The following STIM1 variants were observed in gnomAD, a reference collection of about 807,000 sequenced individuals.
The protein encoded by STIM1 is stromal interaction molecule 1.
A neutral mutation model predicts 74.7 loss-of-function variants in STIM1; 25 were observed. That is an observed-to-expected ratio of 0.33 (90% CI 0.24 to 0.47). The LOEUF (loss-of-function observed/expected upper bound fraction) is 0.47. Among genes scored for constraint, STIM1 ranks in the 20% least tolerant of loss-of-function variants. The pLI is 1.00. For synonymous variants in STIM1, 328 were observed against 348.8 expected (o/e 0.94, Z 0.66); for missense variants, 728 against 920.8 (o/e 0.79, Z 2.71).
rs1309044776 is a variant in STIM1, at chr11:3,908,535, C to T, written c.139+52126C>T. Reference sequence around the variant, plus strand: ...GCTGAGACAGGAGAATGGCATGAACCTGGGAGGTGGAGCTTGCAGTAAGCT... The same window carrying T: ...GCTGAGACAGGAGAATGGCATGAACTTGGGAGGTGGAGCTTGCAGTAAGCT... On this transcript the variant is annotated intron_variant, in intron 1 of 12. Coordinates refer to ENST00000526596, the MANE Select transcript of STIM1 (RefSeq NM_001382567.1). Among the ~76,000 whole-genome samples the T allele has an allele frequency of 6.0e-5, 9 of 149,810 alleles. No individual in the cohort carries two copies. In the Admixed American group the frequency reaches 6.0e-4, roughly 10 times the overall value.
At chr11:4,006,853 A>T (rs946645951) in intron 2 of STIM1, among the ~76,000 whole-genome samples, 12 of 152,170 alleles carry the variant, frequency 7.9e-5, no homozygotes, top group African/African-American at 2.7e-4. Context: ...GAAGGTAAGT[A>T]GTAGGGAACA....
At chr11:3,958,950 T>TA (rs372506065) in intron 1 of STIM1, among the ~76,000 whole-genome samples, 47,177 of 134,512 alleles carry the variant, frequency 0.35, 7,942 homozygotes, top group East Asian at 0.49. Context: ...AAACTCTGTC[T>TA]AAAAAAAAAA....
intron 2 of STIM1, among the ~76,000 whole-genome samples, chr11:3,998,956 G>A (rs528764471): frequency 2.4e-4 from 37 of 152,318 alleles, no homozygotes; most frequent in African/African-American, 8.7e-4. Context: ...TAGCCATAGA[G>A]TCTCTGTTAC....
chr11:4,082,414 A>C, intron 8 of STIM1, 63 bp downstream of exon 8: 1 of 1,484,756 alleles, frequency 6.7e-7, no homozygotes, highest in East Asian at 2.5e-5. Context: ...TTACCTGCAT[A>C]TCTTCCTCTT....
At chr11:3,988,033 C>T (rs2093573684) in intron 2 of STIM1, among the ~76,000 whole-genome samples, 1 of 152,186 alleles carries the variant, frequency 6.6e-6, no homozygotes, top group African/African-American at 2.4e-5. Context: ...ACGTGATGAG[C>T]TCTAATTCTT....
chr11:3,950,170 G>A (rs888280406), intron 1 of STIM1, among the ~76,000 whole-genome samples: 14 of 140,448 alleles, frequency 1.0e-4, no homozygotes, highest in Non-Finnish European at 1.4e-4. Flanking sequence ...GTCTTGCTCT[G>A]TTGCCCAGGC....
chr11:3,981,790 G>A (rs1403088285), intron 2 of STIM1, among the ~76,000 whole-genome samples: 1 of 152,134 alleles, frequency 6.6e-6, no homozygotes, highest in Non-Finnish European at 1.5e-5. Flanking sequence ...TAAGATTACT[G>A]TACTTAAAAT....
chr11:3,945,632 C>A (rs1224660460), intron 1 of STIM1, among the ~76,000 whole-genome samples: 1 of 152,080 alleles, frequency 6.6e-6, no homozygotes, highest in Non-Finnish European at 1.5e-5. Context: ...TTATAATAAT[C>A]ATTATTGCTT....
intron 2 of STIM1, among the ~76,000 whole-genome samples, chr11:4,005,578 G>A (rs904502333): frequency 7.5e-6 from 1 of 133,694 alleles, no homozygotes; most frequent in Admixed American, 7.8e-5. Flanking sequence ...GGGGACTGTT[G>A]TGGGGTGGGG....
At chr11:3,861,294 C>T (rs1252137548) in intron 1 of STIM1, among the ~76,000 whole-genome samples, 1 of 150,528 alleles carries the variant, frequency 6.6e-6, no homozygotes, top group Non-Finnish European at 1.5e-5. Flanking sequence ...AGTGCAGTGG[C>T]CCGATCTCAG....
Position 4,091,139 on chromosome 11 carries a change from C to G in STIM1, c.1635-143C>G, listed in dbSNP as rs550140445. The G allele has an allele frequency of 3.5e-6, 4 of 1,126,920 alleles. No individual in the cohort carries two copies. The East Asian group carries it at 9.4e-5, about 26-fold the overall frequency. 69.8% of individuals were successfully genotyped at this position (1,126,920 alleles called of 1,614,324 possible). ...CTCTCCTTCCCACCTGCCTGTTCAT[C>G]CTATTTCTCTCTCCTGCCGCTCTAT... On this transcript the variant is annotated intron_variant, in intron 12 of 12. Transcript: ENST00000526596.
chr11:3,895,717 TC>T (rs2041605990), intron 1 of STIM1, among the ~76,000 whole-genome samples: 3 of 37,398 alleles, frequency 8.0e-5, no homozygotes, highest in African/African-American at 5.3e-4. Context: ...TTTCTTTCTT[TC>T]TTTCTTTCTT....
At chr11:3,921,072 A>G (rs970863158) in intron 1 of STIM1, among the ~76,000 whole-genome samples, 6 of 152,216 alleles carry the variant, frequency 3.9e-5, no homozygotes, top group South Asian at 2.1e-4. Context: ...CTGGGATTAC[A>G]GACGTGAGCC....
At chr11:3,992,089 GTTT>G (rs75377604) in intron 2 of STIM1, among the ~76,000 whole-genome samples, 1 of 95,366 alleles carries the variant, frequency 1.0e-5, no homozygotes, top group Non-Finnish European at 1.9e-5. Flanking sequence ...CTGTTTTTTT[GTTT>G]TTTTTTTTTT....
At chr11:3,925,680 A>T (rs1468556787) in intron 1 of STIM1, among the ~76,000 whole-genome samples, 1 of 152,216 alleles carries the variant, frequency 6.6e-6, no homozygotes, top group Non-Finnish European at 1.5e-5. Context: ...TCAACAAATT[A>T]TGCCTGCTTG....
chr11:3,998,910 T>C (rs1411056836), intron 2 of STIM1, among the ~76,000 whole-genome samples: 1 of 152,226 alleles, frequency 6.6e-6, no homozygotes, highest in Admixed American at 6.5e-5. Flanking sequence ...CAACTTTTTC[T>C]GTAAAGGATT....
intron 2 of STIM1, among the ~76,000 whole-genome samples, chr11:4,011,180 T>C (rs1436371787): frequency 6.6e-6 from 1 of 152,180 alleles, no homozygotes; most frequent in Non-Finnish European, 1.5e-5. Flanking sequence ...AATAAACATA[T>C]GTGTGCATGT....
intron 2 of STIM1, chr11:4,018,851 C>A (rs1023410039): frequency 6.6e-6 from 1 of 152,302 alleles, no homozygotes; most frequent in African/African-American, 2.4e-5. Context: ...ATACTCTTCT[C>A]CCAGTTATTC....
rs747832260 is a variant in STIM1 at position 4,055,603 on chromosome 11, C to T, written c.463C>T (p.Arg155Trp). The T allele has an allele frequency of 2.7e-5, 43 of 1,596,860 alleles. No individual in the cohort carries two copies. The highest frequency in any genetic ancestry group is 3.5e-5 in the Admixed American group (2 of 57,796). ...VELPQYEETF[R>W]KLQLSGHAMP... ...GCTGCCTCAGTATGAGGAGACCTTC[C>T]GGAAGCTGCAGCTCAGTGGCCATGC... Residue 155 changes from arginine to tryptophan, a missense_variant, in exon 4 of 13, where the codon CGG (arginine) becomes TGG (tryptophan). By Grantham distance (101) the Arg-to-Trp change is moderately radical (BLOSUM62 -3). This residue lies in a region of STIM1 where 132 missense variants were observed against 158.2 expected (regional missense o/e 0.83). Coordinates refer to ENST00000526596, the MANE Select transcript of STIM1 (RefSeq NM_001382567.1).
Sources: gnomAD v4.1 joint callset for allele counts (sites outside exome capture counted in the v4.1 genomes callset) on GRCh38, gnomAD v4.1.1 for gene constraint, gnomAD v4.1.1 regional missense constraint, MANE v1.5 for transcripts, NCBI Gene and HGNC (gene_info 2026-07-23, HGNC 2026-07-21) for gene names.